The following ERAP1 variants were observed in gnomAD, a reference collection of about 807,000 sequenced individuals.
ERAP1 encodes the protein endoplasmic reticulum aminopeptidase 1, also known as adipocyte-derived leucine aminopeptidase.
Under a neutral mutation model 103.7 loss-of-function variants are expected in ERAP1, and 86 were observed. The ratio of observed to expected loss-of-function variants is 0.83; its 90% CI spans 0.70 to 0.99. ERAP1 has a LOEUF of 0.99. ERAP1 is among the 50% of genes least tolerant of loss of function. The pLI, the probability that ERAP1 is intolerant of heterozygous loss-of-function variation, is 0.00. For synonymous variants in ERAP1, 398 were observed against 402.4 expected, an observed-to-expected ratio of 0.99 and a Z score of 0.13; for missense variants, 1,009 against 1,128.4, an observed-to-expected ratio of 0.89 and a Z score of 1.52.
chr5:96,801,497 A>G (rs1489240835), intron 2 of ERAP1, among the ~76,000 whole-genome samples: 1 of 151,698 alleles, frequency 6.6e-6, no homozygotes, highest in Non-Finnish European at 1.5e-5. Context: ...AAAGTAAAAA[A>G]CAGGGAAAAT....
At chr5:96,777,705 C>T (rs1199521444) in intron 18 of ERAP1, among the ~76,000 whole-genome samples, 1 of 152,194 alleles carries the variant, frequency 6.6e-6, no homozygotes, top group East Asian at 1.9e-4. Flanking sequence ...CAACAAAGCA[C>T]ATCAATAATT....
At chr5:96,762,136 T>A in exon 20 of ERAP1, 2 of 461,314 alleles carry the variant, frequency 4.3e-6, no homozygotes, top group Non-Finnish European at 7.8e-6. Context: ...TCTTTTAAAA[T>A]TATATGTTAT....
chr5:96,764,895 C>T (rs1769297178), intron 19 of ERAP1, among the ~76,000 whole-genome samples: 1 of 152,136 alleles, frequency 6.6e-6, no homozygotes, highest in South Asian at 2.1e-4. Context: ...TTTATGTGAC[C>T]TCCAGGTCAC....
At chr5:96,780,971 G>A in intron 17 of ERAP1, 87 bp downstream of exon 17, 2 of 1,482,826 alleles carry the variant, frequency 1.3e-6, no homozygotes, top group Admixed American at 3.5e-5. Flanking sequence ...CCTTTAGACT[G>A]TTACTGTTCT....
At chr5:96,764,475 C>G (rs982938590) in intron 19 of ERAP1, among the ~76,000 whole-genome samples, 2 of 152,162 alleles carry the variant, frequency 1.3e-5, no homozygotes, top group Non-Finnish European at 2.9e-5. Context: ...ATTTCACTTC[C>G]ATGAGCTTCC....
the ERAP1 span, among the ~76,000 whole-genome samples, chr5:96,896,159 G>A: frequency 6.6e-5 from 10 of 151,952 alleles, no homozygotes; most frequent in Admixed American, 6.6e-5. Context: ...ATGTCTGAAG[G>A]AATATTGGAT....
At chr5:96,931,580 G>A in the ERAP1 span, among the ~76,000 whole-genome samples, 8 of 152,182 alleles carry the variant, frequency 5.3e-5, no homozygotes, top group Non-Finnish European at 1.2e-4. Context: ...GTGAGGTGAA[G>A]CTAAGCCCCA....
chr5:96,902,400 C>G, the ERAP1 span: 6 of 1,194,076 alleles, frequency 5.0e-6, no homozygotes, highest in South Asian at 6.1e-5. Context: ...GGAAATTAAA[C>G]ATGTGTTGAG....
Position 96,776,169 on chromosome 5 carries a change from C to CTT in ERAP1, c.*225_*226dup, listed in dbSNP as rs1014120726. The CTT allele has an allele frequency of 1.3e-6, 2 of 1,503,054 alleles. No homozygotes were observed. The highest frequency in any genetic ancestry group is 2.8e-5 in the African/African-American group (2 of 72,358). 93.1% of individuals were successfully genotyped at this position (1,503,054 alleles called of 1,614,324 possible). ...TTCTTCTGTGGCAGGGAACCCAACA[C>CTT]TTGGGTTTACGTTGCAGGGCAACAC... is the stretch of plus-strand genomic sequence containing the variant. On this transcript the variant is annotated 3_prime_UTR_variant, in exon 19 of 19. Coordinates refer to ENST00000443439, the MANE Select transcript of ERAP1 (RefSeq NM_001040458.3).
upstream of ERAP1, among the ~76,000 whole-genome samples, chr5:96,811,567 T>A (rs26657): frequency 0.23 from 34,339 of 152,140 alleles, 3,983 homozygotes; most frequent in East Asian, 0.28. Flanking sequence ...CCTGAGCAAA[T>A]CCTGTCCTTA....
At chr5:96,858,695 T>C in the ERAP1 span, among the ~76,000 whole-genome samples, 1 of 152,160 alleles carries the variant, frequency 6.6e-6, no homozygotes, top group East Asian at 1.9e-4. Context: ...CTCCACCCCA[T>C]CAGCATTGCA....
chr5:96,838,588 A>G, the ERAP1 span, among the ~76,000 whole-genome samples: 1 of 152,140 alleles, frequency 6.6e-6, no homozygotes, highest in South Asian at 2.1e-4. Context: ...CCTTCCATAT[A>G]TTTCCTCCCA....
chr5:96,880,574 C>G, the ERAP1 span, among the ~76,000 whole-genome samples: 1 of 152,028 alleles, frequency 6.6e-6, no homozygotes, highest in Non-Finnish European at 1.5e-5. Context: ...GAATGCTTCT[C>G]AAAGGAAGTG....
chr5:96,768,472 C>T (rs1352155634), intron 19 of ERAP1: 2 of 433,690 alleles, frequency 4.6e-6, no homozygotes, highest in South Asian at 3.4e-5. Flanking sequence ...AATTCCACTG[C>T]CCCCAAAACA....
chr5:96,922,401 A>G, the ERAP1 span, among the ~76,000 whole-genome samples: 1 of 152,216 alleles, frequency 6.6e-6, no homozygotes, highest in Non-Finnish European at 1.5e-5. Context: ...AAGGATAGAA[A>G]GAACACTCTT....
At chr5:96,910,289 G>C in the ERAP1 span, 2 of 149,402 alleles carry the variant, frequency 1.3e-5, no homozygotes, top group Admixed American at 6.7e-5. Flanking sequence ...AACTTTTCCT[G>C]TGCCAAATTA....
the ERAP1 span, among the ~76,000 whole-genome samples, chr5:96,828,023 C>T: frequency 6.6e-6 from 1 of 152,190 alleles, no homozygotes; most frequent in East Asian, 1.9e-4. Flanking sequence ...TTGTGATAAA[C>T]TAAGCCTGTT....
intron 17 of ERAP1, among the ~76,000 whole-genome samples, chr5:96,780,855 A>G (rs2150900228): frequency 1.3e-5 from 2 of 152,340 alleles, no homozygotes; most frequent in Admixed American, 1.3e-4. Context: ...GCCAGATGGA[A>G]TGGAAAACAT....
chr5:96,831,578 T>C, the ERAP1 span, among the ~76,000 whole-genome samples: 1 of 152,226 alleles, frequency 6.6e-6, no homozygotes, highest in Non-Finnish European at 1.5e-5. Context: ...CAAAAGCTAC[T>C]TTCCTCCCAG....
Sources: gnomAD v4.1 joint callset for allele counts (sites outside exome capture counted in the v4.1 genomes callset) on GRCh38, gnomAD v4.1.1 for gene constraint, MANE v1.5 for transcripts, NCBI Gene and HGNC (gene_info 2026-07-23, HGNC 2026-07-21) for gene names.